Variants in EZH2 observed in about 807,000 individuals in gnomAD.
EZH2 encodes enhancer of zeste 2 polycomb repressive complex 2 subunit.
In EZH2, 18 loss-of-function variants were observed where a neutral mutation model predicts 98.4. That is an observed-to-expected ratio of 0.18 (90% CI 0.13 to 0.27). EZH2 has a LOEUF of 0.27. Among genes scored for constraint, EZH2 ranks in the 10% least tolerant of loss-of-function variants. The probability of loss-of-function intolerance (pLI) is 1.00; values close to 1 mark genes in which losing one functional copy is unlikely to be tolerated. For missense variants in EZH2, 470 were observed against 935.1 expected, an observed-to-expected ratio of 0.50 and a Z score of 6.49; for synonymous variants, 338 against 312.3, an observed-to-expected ratio of 1.08 and a Z score of -0.87.
Position 148,816,350 on chromosome 7 carries a change from T to A in EZH2, c.1505+334A>T, listed in dbSNP as rs1022606060. ...TCTAAAAACTGGCCCAGAGCTCACATCAGAAACACAGAACATTTCATGATG... is the reference window on the plus strand; with the variant it reads ...TCTAAAAACTGGCCCAGAGCTCACAACAGAAACACAGAACATTTCATGATG... On this transcript the variant is annotated intron_variant, in intron 12 of 19. Coordinates refer to ENST00000320356, the MANE Select transcript of EZH2 (RefSeq NM_004456.5). 3.9e-5 allele frequency among the ~76,000 whole-genome samples: 6 copies of A among 152,194 alleles called. 1 individual carries two copies. Among genetic ancestry groups the A allele is most frequent in the Non-Finnish European group, 8.8e-5 (6 of 68,036 alleles).
intron 1 of EZH2, among the ~76,000 whole-genome samples, chr7:148,850,733 T>C (rs965846572): frequency 1.3e-5 from 2 of 152,082 alleles, no homozygotes; most frequent in African/African-American, 4.8e-5. Context: ...TGTACAGTAG[T>C]CCCCACTTAT....
intron 1 of EZH2, among the ~76,000 whole-genome samples, chr7:148,857,487 A>G (rs1816996980): frequency 6.6e-6 from 1 of 152,198 alleles, no homozygotes; most frequent in Admixed American, 6.5e-5. Context: ...GCAGTGGCTC[A>G]TGCTTGTTAA....
chr7:148,825,666 G>C (rs1307241039), intron 8 of EZH2, among the ~76,000 whole-genome samples: 1 of 152,168 alleles, frequency 6.6e-6, no homozygotes, highest in African/African-American at 2.4e-5. Context: ...TGGGGCCGTT[G>C]AGTACAGGGG....
intron 19 of EZH2, among the ~76,000 whole-genome samples, 184 bp from the exon 20 acceptor site, chr7:148,807,890 A>G (rs1052227500): frequency 6.6e-6 from 1 of 151,882 alleles, no homozygotes; most frequent in African/African-American, 2.4e-5. Context: ...AAGGCAATGC[A>G]TAGGTCTGTG....
intron 1 of EZH2, among the ~76,000 whole-genome samples, chr7:148,879,245 A>AAAAAAC (rs908740665): frequency 6.6e-6 from 1 of 151,242 alleles, no homozygotes; most frequent in Non-Finnish European, 1.5e-5. Flanking sequence ...AAACAAAAAC[A>AAAAAAC]AAAAACAAAA....
intron 1 of EZH2, among the ~76,000 whole-genome samples, chr7:148,868,944 ATTTC>A (rs1272757337): frequency 6.6e-6 from 1 of 152,214 alleles, no homozygotes; most frequent in African/African-American, 2.4e-5. Flanking sequence ...AAAAACAATT[ATTTC>A]TTTAACTGCA....
At position 148,818,082 on chromosome 7, in the gene EZH2, A is replaced by G; in HGVS notation, c.1035T>C (p.Ala345=). The change falls in exon 10 of 20, where the codon GCT becomes GCC. Residue 345 remains alanine, a synonymous_variant. Transcript: ENST00000320356. The part of the protein sequence containing the change: ...GAKEFAAALT[A]ERIKTPPKRP... The stretch of plus-strand genomic sequence containing the variant: ...GTTTTGGTGGGGTCTTTATCCGCTC[A>G]GCGGTGAGAGCAGCAGCAAACTCCT... 1 of 1,607,622 alleles carries G rather than the reference A, an allele frequency of 6.2e-7. No individual in the cohort carries two copies. Among genetic ancestry groups the G allele is most frequent in the East Asian group, 2.2e-5 (1 of 44,834 alleles).
intron 1 of EZH2, among the ~76,000 whole-genome samples, chr7:148,859,335 G>A (rs1817326622): frequency 6.6e-6 from 1 of 151,956 alleles, no homozygotes; most frequent in African/African-American, 2.4e-5. Flanking sequence ...GTGAAACCCC[G>A]TCTCTACTAA....
chr7:148,817,770 A>T, intron 10 of EZH2, 107 bp downstream of exon 10: 1 of 1,448,176 alleles, frequency 6.9e-7, no homozygotes, highest in Non-Finnish European at 9.5e-7. Flanking sequence ...TGGTCTTTAT[A>T]CTGAAACTAA....
chr7:148,816,719 C>G lies in EZH2; in HGVS notation c.1470G>C (p.Val490=). The change falls in exon 12 of 20, where the codon GTG becomes GTC. Residue 490 remains valine, a synonymous_variant. Transcript: ENST00000320356. ...TCTTCTTTTTCCTTGGAGGAGTATC[C>G]ACATCCTCAGCGGGAGCTGGAGCTA... ...SIIAPAPAED[V]DTPPRKKKRK... is the part of the protein sequence containing the mutation. The G allele has an allele frequency of 1.9e-6, 3 of 1,614,058 alleles. No individual in the cohort carries two copies. Among genetic ancestry groups the G allele is most frequent in the Middle Eastern group, 1.7e-4 (1 of 6,060 alleles).
chr7:148,850,954 T>C (rs148468305), intron 1 of EZH2, among the ~76,000 whole-genome samples: 4 of 152,152 alleles, frequency 2.6e-5, no homozygotes, highest in South Asian at 2.1e-4. Context: ...GCTAGAGTCT[T>C]CTCTCTCTCA....
chr7:148,852,283 C>G (rs1815977981), intron 1 of EZH2, among the ~76,000 whole-genome samples: 1 of 152,152 alleles, frequency 6.6e-6, no homozygotes, highest in African/African-American at 2.4e-5. Flanking sequence ...GTGAATCAAA[C>G]CAAACTCAGA....
chr7:148,857,706 G>A (rs892956225), intron 1 of EZH2, among the ~76,000 whole-genome samples: 1 of 151,964 alleles, frequency 6.6e-6, no homozygotes, highest in African/African-American at 2.4e-5. Flanking sequence ...AGCAGAGATC[G>A]CACCTCTGCA....
At chr7:148,883,684 G>A (rs1431858109) in intron 1 of EZH2, among the ~76,000 whole-genome samples, 1 of 151,478 alleles carries the variant, frequency 6.6e-6, no homozygotes, top group African/African-American at 2.4e-5. Context: ...GCCCTCCGGA[G>A]ACACAGTCCG....
At chr7:148,844,489 G>T (rs538842867) in intron 3 of EZH2, among the ~76,000 whole-genome samples, 1 of 152,312 alleles carries the variant, frequency 6.6e-6, no homozygotes, top group South Asian at 2.1e-4. Flanking sequence ...AAAAATGACT[G>T]ACCTTAATCA....
intron 1 of EZH2, among the ~76,000 whole-genome samples, chr7:148,856,508 G>C (rs181336713): frequency 7.8e-4 from 119 of 152,280 alleles, no homozygotes; most frequent in African/African-American, 2.6e-3. Flanking sequence ...TGACACCCCA[G>C]GAGCAATAAA....
At chr7:148,834,379 A>G (rs981853572) in intron 3 of EZH2, among the ~76,000 whole-genome samples, 2 of 146,096 alleles carry the variant, frequency 1.4e-5, no homozygotes, top group Non-Finnish European at 3.0e-5. Flanking sequence ...ACACACACAC[A>G]CACATATTAA....
intron 3 of EZH2, among the ~76,000 whole-genome samples, chr7:148,845,964 A>C (rs938675755): frequency 6.6e-6 from 1 of 152,244 alleles, no homozygotes; most frequent in Non-Finnish European, 1.5e-5. Context: ...GGAGTAATTA[A>C]GAGCTAGCTC....
chr7:148,874,787 T>C (rs548352548), intron 1 of EZH2, among the ~76,000 whole-genome samples: 1 of 151,694 alleles, frequency 6.6e-6, no homozygotes, highest in South Asian at 2.1e-4. Flanking sequence ...TAAAAAAATT[T>C]ACGGGAGGCT....
Sources: gnomAD v4.1 joint callset for allele counts (sites outside exome capture counted in the v4.1 genomes callset) on GRCh38, gnomAD v4.1.1 for gene constraint, MANE v1.5 for transcripts, NCBI Gene and HGNC (gene_info 2026-07-23, HGNC 2026-07-21) for gene names.